Variants in LAPTM4B observed in about 807,000 individuals in gnomAD.
LAPTM4B encodes the protein lysosomal-associated transmembrane protein 4B.
Under a neutral mutation model 28.5 loss-of-function variants are expected in LAPTM4B, and 26 were observed. That is an observed-to-expected ratio of 0.91 (90% CI 0.67 to 1.27). The LOEUF is 1.27. Among genes scored for constraint, LAPTM4B ranks in the 50% most tolerant of loss-of-function variants. LAPTM4B has a pLI of 0.00. For missense variants in LAPTM4B, 288 were observed against 285.8 expected (o/e 1.01, Z -0.06); for synonymous variants, 109 against 106.4 (o/e 1.02, Z -0.15).
intron 1 of LAPTM4B, among the ~76,000 whole-genome samples, chr8:97,788,731 G>T (rs1816447596): frequency 6.7e-6 from 1 of 149,242 alleles, no homozygotes; most frequent in African/African-American, 2.5e-5. Flanking sequence ...GTCTAGCTCT[G>T]TTGCCCAGGT....
rs542528121 is a variant in LAPTM4B, at chr8:97,822,910, C to T, written c.508-2148C>T. Among the ~76,000 whole-genome samples, 10 of 152,004 alleles carry T rather than the reference C, an allele frequency of 6.6e-5. No homozygotes were observed. The East Asian group carries it at 7.7e-4, about 12-fold the overall frequency. Reference sequence around the variant, plus strand: ...AGGCTGGAGTGCAGTGGTGTGATCCCGGCTCACTGCAACCTCTGCTTCCCG... The same window carrying T: ...AGGCTGGAGTGCAGTGGTGTGATCCTGGCTCACTGCAACCTCTGCTTCCCG... On this transcript the variant is annotated intron_variant, in intron 5 of 6. Coordinates refer to ENST00000521545, the MANE Select transcript of LAPTM4B (RefSeq NM_018407.6).
chr8:97,847,719 C>G (rs1056491697), intron 6 of LAPTM4B, among the ~76,000 whole-genome samples: 1 of 152,162 alleles, frequency 6.6e-6, no homozygotes, highest in African/African-American at 2.4e-5. Context: ...ATCAGCATCA[C>G]TTAGATACAA....
chr8:97,832,350 C>T (rs1586341694), intron 6 of LAPTM4B, among the ~76,000 whole-genome samples: 1 of 152,282 alleles, frequency 6.6e-6, no homozygotes, highest in Non-Finnish European at 1.5e-5. Flanking sequence ...ATTTGGGGGC[C>T]ATGGTCGAAT....
intron 1 of LAPTM4B, among the ~76,000 whole-genome samples, chr8:97,800,869 C>A (rs974883296): frequency 1.3e-5 from 2 of 151,946 alleles, no homozygotes; most frequent in Admixed American, 6.6e-5. Context: ...CCCAGGACTT[C>A]GGGAGGCCGG....
chr8:97,847,171 GA>G (rs1453649606), intron 6 of LAPTM4B, among the ~76,000 whole-genome samples: 1 of 152,196 alleles, frequency 6.6e-6, no homozygotes, highest in Admixed American at 6.5e-5. Flanking sequence ...TAGCAAGAGG[GA>G]TTTTTCCTTT....
At chr8:97,825,536 A>C (rs1817079072) in intron 6 of LAPTM4B, among the ~76,000 whole-genome samples, 1 of 152,236 alleles carries the variant, frequency 6.6e-6, no homozygotes, top group African/African-American at 2.4e-5. Flanking sequence ...AGTTAAACCA[A>C]GATGCGATGT....
intron 6 of LAPTM4B, among the ~76,000 whole-genome samples, chr8:97,850,483 T>G (rs1467363313): frequency 2.0e-5 from 3 of 151,350 alleles, no homozygotes; most frequent in Non-Finnish European, 4.4e-5. Flanking sequence ...TGTGTGTGTG[T>G]GTGTGTTTGG....
rs1450892190 is a variant in LAPTM4B at position 97,851,439 on chromosome 8, G to A, written c.646G>A (p.Ala216Thr). ...TGATGATGCCACTGTGAATGGTGCT[G>A]CCAAGGAGCCACCGCCACCTTACGT... ...PYDDATVNGA[A>T]KEPPPPYVSA The change falls in exon 7 of 7, where the codon GCC becomes ACC. Residue 216 changes from alanine (A) to threonine (T), a missense_variant. Ala to Thr is a moderately conservative substitution (Grantham distance 58). Transcript: ENST00000521545. 6.2e-7 allele frequency: 1 copy of A among 1,614,096 alleles called. No individual in the cohort carries two copies. Among genetic ancestry groups the A allele is most frequent in the Non-Finnish European group, 8.5e-7 (1 of 1,179,996 alleles).
intron 6 of LAPTM4B, among the ~76,000 whole-genome samples, chr8:97,828,633 G>A (rs1161696171): frequency 2.0e-5 from 3 of 152,200 alleles, no homozygotes; most frequent in African/African-American, 7.2e-5. Flanking sequence ...CTTCATTTAA[G>A]AATAGGCAGA....
intron 1 of LAPTM4B, among the ~76,000 whole-genome samples, chr8:97,792,401 C>T (rs912430716): frequency 1.3e-4 from 19 of 151,940 alleles, no homozygotes; most frequent in Admixed American, 7.9e-4. Context: ...ACTACAGGTG[C>T]GAGCCACCAC....
chr8:97,809,754 A>G (rs1181620556), intron 2 of LAPTM4B, among the ~76,000 whole-genome samples: 1 of 152,146 alleles, frequency 6.6e-6, no homozygotes, highest in Non-Finnish European at 1.5e-5. Context: ...ATCTTTTTAC[A>G]TTGGTGACAG....
chr8:97,829,103 G>A (rs1033737636), intron 6 of LAPTM4B, among the ~76,000 whole-genome samples: 2 of 152,148 alleles, frequency 1.3e-5, no homozygotes, highest in African/African-American at 4.8e-5. Context: ...GTGGGGTCCT[G>A]CACCCAGACC....
At chr8:97,819,458 A>T (rs1816970116) in intron 5 of LAPTM4B, among the ~76,000 whole-genome samples, 1 of 152,208 alleles carries the variant, frequency 6.6e-6, no homozygotes, top group Non-Finnish European at 1.5e-5. Flanking sequence ...TTGGACAGAG[A>T]TAAGTTAACA....
chr8:97,811,963 G>A (rs142438865), intron 2 of LAPTM4B, among the ~76,000 whole-genome samples: 129 of 151,866 alleles, frequency 8.5e-4, no homozygotes, highest in Non-Finnish European at 1.7e-3. Flanking sequence ...GTACCACCAT[G>A]CCTGGCTAAT....
rs1190689017 is a variant in LAPTM4B at position 97,838,938 on chromosome 8, TAC to T, written c.604-12455_604-12454del. ...CAGCTGCTTATCTATATAGTTGTGC[TAC>T]ACAGTCCTGCTTCCCATACCCCAGT... On this transcript the variant is annotated intron_variant, in intron 6 of 6. Transcript: ENST00000521545. 5.3e-5 allele frequency among the ~76,000 whole-genome samples: 8 copies of T among 152,292 alleles called. No individual in the cohort carries two copies. In the South Asian group the frequency reaches 1.7e-3, roughly 32 times the overall value.
At chr8:97,813,687 C>T (rs569879151) in intron 2 of LAPTM4B, among the ~76,000 whole-genome samples, 55 of 148,116 alleles carry the variant, frequency 3.7e-4, no homozygotes, top group African/African-American at 1.3e-3. Context: ...ACGTGCTCAC[C>T]GGCTGCTTCT....
intron 6 of LAPTM4B, 127 bp from the exon 7 acceptor site, chr8:97,851,270 C>A (rs1817519403): frequency 6.5e-6 from 5 of 763,572 alleles, no homozygotes; most frequent in Non-Finnish European, 1.2e-5. Context: ...TATCCACTTG[C>A]TAGAAAATTG....
rs189672430 is a variant in LAPTM4B, at chr8:97,823,322, A to G, written c.508-1736A>G. Among the ~76,000 whole-genome samples the G allele has an allele frequency of 4.0e-5, 6 of 151,540 alleles. No homozygotes were observed. The East Asian group carries it at 1.2e-3, about 30-fold the overall frequency. On this transcript the variant is annotated intron_variant, in intron 5 of 6. Coordinates refer to ENST00000521545, the MANE Select transcript of LAPTM4B (RefSeq NM_018407.6). ...ATGCCTATTCTGGGCATTCCATGCG[A>G]ATACAATCATCATACAATATGGTTT... is the stretch of plus-strand genomic sequence containing the variant.
chr8:97,831,533 T>G (rs2513964), intron 6 of LAPTM4B, among the ~76,000 whole-genome samples: 71,467 of 151,702 alleles, frequency 0.47, 17,086 homozygotes, highest in East Asian at 0.58. Context: ...TAATGGGAAA[T>G]AAATGAGGGG....
Sources: gnomAD v4.1 joint callset for allele counts (sites outside exome capture counted in the v4.1 genomes callset) on GRCh38, gnomAD v4.1.1 for gene constraint, MANE v1.5 for transcripts, NCBI Gene and HGNC (gene_info 2026-07-23, HGNC 2026-07-21) for gene names.